The following TIMELESS variants were observed in gnomAD, a reference collection of about 807,000 sequenced individuals.
TIMELESS encodes the protein timeless circadian regulator, also known as protein timeless homolog.
A neutral mutation model predicts 164.3 loss-of-function variants in TIMELESS; 124 were observed. That is an observed-to-expected ratio of 0.75 (90% confidence interval 0.65 to 0.88). The LOEUF is 0.88. Ranked by LOEUF, TIMELESS falls within the 40% of genes least tolerant of loss-of-function variation. TIMELESS has a pLI of 0.00. For synonymous variants in TIMELESS, 564 were observed against 563.4 expected (o/e 1.00, Z -0.02); for missense variants, 1,422 against 1,491.4 (o/e 0.95, Z 0.77).
At chr12:56,430,431 T>G in intron 9 of TIMELESS, 150 bp from the exon 10 acceptor site, 1 of 918,172 alleles carries the variant, frequency 1.1e-6, no homozygotes, top group Non-Finnish European at 1.6e-6. Context: ...AATGATGCAA[T>G]CATAGCACAC....
intron 1 of TIMELESS, among the ~76,000 whole-genome samples, chr12:56,443,159 A>G (rs59051184): frequency 0.074 from 11,192 of 152,266 alleles, 1,349 homozygotes; most frequent in African/African-American, 0.25. Flanking sequence ...CTGGGGGGTC[A>G]GGCAGAATAG....
chr12:56,443,888 T>C (rs1868312893), intron 1 of TIMELESS, among the ~76,000 whole-genome samples: 1 of 151,912 alleles, frequency 6.6e-6, no homozygotes, highest in African/African-American at 2.4e-5. Flanking sequence ...CAGCAAATCA[T>C]TTCGGTATTC....
At chr12:56,448,721 T>TC (rs34390068) in intron 1 of TIMELESS, among the ~76,000 whole-genome samples, 5,013 of 152,212 alleles carry the variant, frequency 0.033, 274 homozygotes, top group African/African-American at 0.11. Context: ...AGAACGAGAC[T>TC]CCGTCTCAAA....
chr12:56,420,029 A>AAAAAAAAAAAATATAT (rs1555176447), intron 26 of TIMELESS, among the ~76,000 whole-genome samples: 7 of 75,182 alleles, frequency 9.3e-5, no homozygotes, highest in African/African-American at 4.0e-4. Context: ...AAAAAAAAAA[A>AAAAAAAAAAAATATAT]ATATATATAT....
In TIMELESS at chr12:56,431,922, CAG is replaced by C. The variant is rs948584122; in HGVS notation, c.688-320_688-319del. 1.7e-4 allele frequency among the ~76,000 whole-genome samples: 26 copies of C among 151,716 alleles called. No individual in the cohort carries two copies. In the East Asian group the frequency reaches 4.1e-3, roughly 24 times the overall value. ...TGCTATATATATAGTTATCAGAAAA[CAG>C]AACATGTATACATATATATATACGC... On this transcript the variant is annotated intron_variant, in intron 7 of 28. Transcript: ENST00000553532.
At chr12:56,429,717 A>C (rs1881808516) in intron 10 of TIMELESS, among the ~76,000 whole-genome samples, 1 of 142,404 alleles carries the variant, frequency 7.0e-6, no homozygotes, top group Non-Finnish European at 1.5e-5. Context: ...CGGTTTCACC[A>C]TATTGGCCAG....
intron 18 of TIMELESS, 79 bp from the exon 19 acceptor site, chr12:56,423,071 T>A: frequency 6.5e-7 from 1 of 1,530,582 alleles, no homozygotes; most frequent in Admixed American, 1.9e-5. Context: ...ATTTTCTCTA[T>A]AGCTGTTCCC....
At position 56,417,123 on chromosome 12, in the gene TIMELESS, T is replaced by C. The variant is rs925697736; in HGVS notation, c.*593A>G. The C allele has an allele frequency of 3.3e-5, 5 of 153,094 alleles. No individual in the cohort carries two copies. The highest frequency in any genetic ancestry group is 1.2e-4 in the African/African-American group (5 of 41,420). 9.5% of individuals were successfully genotyped at this position (153,094 alleles called of 1,614,324 possible). On this transcript the variant is annotated 3_prime_UTR_variant, in exon 29 of 29. Coordinates refer to ENST00000553532, the MANE Select transcript of TIMELESS (RefSeq NM_003920.5). ...GACATATCGCCAAGTCAGACTGAGA[T>C]GAGAACTTCTAATCTTACATGTTTA...
chr12:56,421,291 C>T (rs998875376), intron 23 of TIMELESS, 60 bp downstream of exon 23: 3 of 1,594,202 alleles, frequency 1.9e-6, no homozygotes, highest in Admixed American at 1.7e-5. Context: ...GTGGACTGCT[C>T]CTAAGGACCA....
chr12:56,420,475 T>TG, intron 26 of TIMELESS, 94 bp downstream of exon 26: 1 of 1,061,346 alleles, frequency 9.4e-7, no homozygotes, highest in Non-Finnish European at 1.4e-6. Flanking sequence ...ACGATAAGGA[T>TG]AAGGAGGACC....
In TIMELESS at chr12:56,423,655, C is replaced by T. The variant is rs749887137; in HGVS notation, c.2019G>A (p.Glu673=). 6 of 1,614,056 alleles carry T rather than the reference C, an allele frequency of 3.7e-6. No individual in the cohort carries two copies. In the Admixed American group the frequency reaches 8.3e-5, roughly 22 times the overall value. The change falls in exon 17 of 29, where the codon GAG becomes GAA. Residue 673 remains glutamate, a synonymous_variant. Coordinates refer to ENST00000553532, the MANE Select transcript of TIMELESS (RefSeq NM_003920.5). ...RGAEEEEEEE[E]EEEEELQVVQ... ...CCACTTGCAACTCCTCCTCTTCCTCCTCCTCCTCCTCTTCTTCTTCCTCTG... is the reference window on the plus strand; with the variant it reads ...CCACTTGCAACTCCTCCTCTTCCTCTTCCTCCTCCTCTTCTTCTTCCTCTG...
chr12:56,445,010 A>G (rs1159912438), intron 1 of TIMELESS, among the ~76,000 whole-genome samples: 2 of 151,714 alleles, frequency 1.3e-5, no homozygotes, highest in African/African-American at 4.8e-5. Context: ...TATGTCTCAA[A>G]GATACCTTAC....
Position 56,428,395 on chromosome 12 carries a change from GA to G in TIMELESS, c.1418del (p.Phe473SerfsTer3), listed in dbSNP as rs1483607514. ...ESSRIIKNNIFYVMEYRELFL... is the reference protein window; with the variant it reads ...ESSRIIKNNIXYVMEYRELFL... Reference sequence around the variant, plus strand: ...ATAGTTCTCGGTACTCCATCACATAGAAAATATTGTCTAGGAATGGGGAAGA... The same window carrying G: ...ATAGTTCTCGGTACTCCATCACATAGAAATATTGTCTAGGAATGGGGAAGA... On this transcript the variant is annotated frameshift_variant, in exon 13 of 29. Coordinates refer to ENST00000553532, the MANE Select transcript of TIMELESS (RefSeq NM_003920.5). LOFTEE classifies it high-confidence loss of function. 2 of 1,608,554 alleles carry G rather than the reference GA, an allele frequency of 1.2e-6. No homozygotes were observed. Among genetic ancestry groups the G allele is most frequent in the East Asian group, 4.5e-5 (2 of 44,756 alleles).
At chr12:56,421,611 T>C in intron 22 of TIMELESS, 116 bp downstream of exon 22, 2 of 1,518,108 alleles carry the variant, frequency 1.3e-6, no homozygotes, top group South Asian at 1.2e-5. Context: ...CTTACAAATA[T>C]AGTAAGTGAA....
rs567961912 is a variant in TIMELESS at position 56,429,356 on chromosome 12, G to C, written c.1087-256C>G. ...TGGGATTATAGGTGCCCGCCACCAC[G>C]CCCAGTTAATTTTTTGTATTTTCAG... On this transcript the variant is annotated intron_variant, in intron 10 of 28. Transcript: ENST00000553532. Among the ~76,000 whole-genome samples the C allele has an allele frequency of 1.5e-3, 233 of 151,960 alleles. 2 individuals are homozygous for C. In the Middle Eastern group the frequency reaches 0.024, roughly 16 times the overall value.
rs980522709 is a variant in TIMELESS at position 56,428,169 on chromosome 12, GAAGA to G, written c.1578+63_1578+66del. 20 of 1,451,562 alleles carry G rather than the reference GAAGA, an allele frequency of 1.4e-5. No homozygotes were observed. In the African/African-American group the frequency reaches 2.4e-4, roughly 18 times the overall value. 89.9% of individuals were successfully genotyped at this position (1,451,562 alleles called of 1,614,324 possible). On this transcript the variant is annotated intron_variant, in intron 13 of 28. Coordinates refer to ENST00000553532, the MANE Select transcript of TIMELESS (RefSeq NM_003920.5). Reference sequence around the variant, plus strand: ...TGAACTTAAGCTGTACAAACTGTGAGAAGAAAGAGCCCCCCTTCCTTGACTCTCC... The same window carrying G: ...TGAACTTAAGCTGTACAAACTGTGAGAAGAGCCCCCCTTCCTTGACTCTCC...
At chr12:56,437,529 G>A (rs1882112249) in intron 1 of TIMELESS, among the ~76,000 whole-genome samples, 1 of 152,028 alleles carries the variant, frequency 6.6e-6, no homozygotes, top group South Asian at 2.1e-4. Flanking sequence ...TACAGAAAAT[G>A]AGGCAGGATA....
intron 18 of TIMELESS, 55 bp from the exon 19 acceptor site, chr12:56,423,047 C>G: frequency 1.3e-6 from 2 of 1,573,524 alleles, no homozygotes; most frequent in Non-Finnish European, 8.6e-7. Flanking sequence ...AGACCCGAAC[C>G]TGGCCCTCTA....
At chr12:56,447,969 T>G (rs1416312126) in intron 1 of TIMELESS, among the ~76,000 whole-genome samples, 1 of 152,018 alleles carries the variant, frequency 6.6e-6, no homozygotes, top group African/African-American at 2.4e-5. Flanking sequence ...GTCAGGTGCG[T>G]AAGAGATTTA....
Sources: gnomAD v4.1 joint callset for allele counts (sites outside exome capture counted in the v4.1 genomes callset) on GRCh38, gnomAD v4.1.1 for gene constraint, MANE v1.5 for transcripts, NCBI Gene and HGNC (gene_info 2026-07-23, HGNC 2026-07-21) for gene names.